KCNAB1: variants seen among roughly 807,000 people sequenced by gnomAD.
KCNAB1 encodes the protein potassium voltage-gated channel subfamily A regulatory beta subunit 1.
Under a neutral mutation model 64.6 loss-of-function variants are expected in KCNAB1, and 35 were observed. The ratio of observed to expected loss-of-function variants is 0.54; its 90% CI spans 0.41 to 0.72. The LOEUF (loss-of-function observed/expected upper bound fraction) is 0.72, where lower values mean the gene tolerates loss of function less well. KCNAB1 is among the 30% of genes least tolerant of loss of function. The pLI, the probability that KCNAB1 is intolerant of heterozygous loss-of-function variation, is 0.00. For missense variants in KCNAB1, 401 were observed against 512.9 expected (o/e 0.78, Z 2.11); for synonymous variants, 177 against 183.8 (o/e 0.96, Z 0.30).
chr3:156,190,753 G>A (rs1713515386), intron 1 of KCNAB1, among the ~76,000 whole-genome samples: 1 of 152,170 alleles, frequency 6.6e-6, no homozygotes, highest in African/African-American at 2.4e-5. Context: ...GAGTGCAGTG[G>A]TGTGATGTTG....
intron 1 of KCNAB1, among the ~76,000 whole-genome samples, chr3:156,174,836 GA>G (rs946498400): frequency 1.3e-5 from 2 of 152,230 alleles, no homozygotes; most frequent in African/African-American, 4.8e-5. Flanking sequence ...GGCTGCCAAT[GA>G]GGGTGCATCT....
At chr3:156,464,348 A>G (rs1340570250) in intron 6 of KCNAB1, among the ~76,000 whole-genome samples, 4 of 152,206 alleles carry the variant, frequency 2.6e-5, no homozygotes, top group African/African-American at 7.2e-5. Context: ...TGGCATTTGA[A>G]CTGGTACTTA....
At chr3:156,398,033 A>T (rs1464887040) in intron 1 of KCNAB1, among the ~76,000 whole-genome samples, 1 of 152,238 alleles carries the variant, frequency 6.6e-6, no homozygotes, top group Non-Finnish European at 1.5e-5. Flanking sequence ...AAATATATAC[A>T]TGTACCACTA....
intron 10 of KCNAB1, 21 bp from the exon 11 acceptor site, chr3:156,516,249 T>G: frequency 7.5e-6 from 12 of 1,592,202 alleles, no homozygotes; most frequent in Non-Finnish European, 1.0e-5. Flanking sequence ...CAAGCAACTT[T>G]CTAAGTTTTT....
chr3:156,303,655 C>T (rs899770868), intron 1 of KCNAB1, among the ~76,000 whole-genome samples: 1 of 152,126 alleles, frequency 6.6e-6, no homozygotes, highest in Non-Finnish European at 1.5e-5. Context: ...CTAGGTAACT[C>T]CCCATGCACT....
At position 156,381,328 on chromosome 3, in the gene KCNAB1, G is replaced by A. The variant is rs951291651; in HGVS notation, c.276-40288G>A. On this transcript the variant is annotated intron_variant, in intron 1 of 13. Transcript: ENST00000490337. ...AGGGAACAGCATGAGATCCTCCAAAGTGTGTAGCAGTTTTAGAGAAGAGTC... is the reference window on the plus strand; with the variant it reads ...AGGGAACAGCATGAGATCCTCCAAAATGTGTAGCAGTTTTAGAGAAGAGTC... Among the ~76,000 whole-genome samples, 34 of 152,218 alleles carry A rather than the reference G, an allele frequency of 2.2e-4. 1 individual carries two copies. Among genetic ancestry groups the A allele is most frequent in the African/African-American group, 7.5e-4 (31 of 41,466 alleles).
intron 8 of KCNAB1, among the ~76,000 whole-genome samples, chr3:156,505,268 T>C (rs2108375169): frequency 6.6e-6 from 1 of 152,338 alleles, no homozygotes; most frequent in African/African-American, 2.4e-5. Flanking sequence ...ATGTGTCTGT[T>C]TTTATGCCAG....
intron 1 of KCNAB1, among the ~76,000 whole-genome samples, chr3:156,363,063 G>A (rs994430479): frequency 7.9e-5 from 12 of 152,216 alleles, no homozygotes; most frequent in Admixed American, 5.9e-4. Flanking sequence ...CAGTGTGAAT[G>A]CCTGGGTGCC....
At chr3:156,176,802 T>G in intron 1 of KCNAB1, 1 of 877,696 alleles carries the variant, frequency 1.1e-6, no homozygotes, top group Non-Finnish European at 1.9e-6. Context: ...CGCCTGCTGC[T>G]GCCCGGCTCC....
intron 1 of KCNAB1, among the ~76,000 whole-genome samples, chr3:156,391,830 AG>A (rs1713064559): frequency 6.6e-6 from 1 of 152,300 alleles, no homozygotes; most frequent in African/African-American, 2.4e-5. Flanking sequence ...GGCACAGAGG[AG>A]GGGCAGAGTG....
At chr3:156,443,074 G>A (rs1379394067) in intron 2 of KCNAB1, among the ~76,000 whole-genome samples, 3 of 152,170 alleles carry the variant, frequency 2.0e-5, no homozygotes, top group African/African-American at 7.2e-5. Context: ...CGGGATACAT[G>A]TGCAAGATGT....
At chr3:156,293,559 A>G (rs1372361555) in intron 1 of KCNAB1, among the ~76,000 whole-genome samples, 1 of 152,204 alleles carries the variant, frequency 6.6e-6, no homozygotes, top group Non-Finnish European at 1.5e-5. Context: ...ATTTTGATAT[A>G]TGTTTGAGCC....
At chr3:156,306,359 A>G (rs1210252292) in intron 1 of KCNAB1, among the ~76,000 whole-genome samples, 1 of 152,142 alleles carries the variant, frequency 6.6e-6, no homozygotes, top group Non-Finnish European at 1.5e-5. Flanking sequence ...ATTCACCAGG[A>G]CCTGCAAAGA....
chr3:156,259,309 A>G (rs1021600512), intron 1 of KCNAB1, among the ~76,000 whole-genome samples: 5 of 152,168 alleles, frequency 3.3e-5, no homozygotes, highest in Non-Finnish European at 5.9e-5. Context: ...ATTCCTTTCA[A>G]CTCAGAAGAG....
rs376183217 is a variant in KCNAB1, at chr3:156,513,211, C to CA, written c.659-1143dup. ...TGGGCCAAAGGGCAAGACTCCATCT[C>CA]AAAAAAAAAACAACAACAACAAAAA... On this transcript the variant is annotated intron_variant, in intron 8 of 13. Transcript: ENST00000490337. 3.6e-3 allele frequency among the ~76,000 whole-genome samples: 514 copies of CA among 144,742 alleles called. 3 individuals are homozygous for CA. Among genetic ancestry groups the CA allele is most frequent in the African/African-American group, 0.012 (471 of 39,332 alleles). The allele number at this position is 144,742 out of a possible 152,430, so 95.0% of individuals were successfully genotyped here.
At chr3:156,411,856 ATC>A (rs1427770827) in intron 1 of KCNAB1, among the ~76,000 whole-genome samples, 2 of 152,168 alleles carry the variant, frequency 1.3e-5, no homozygotes, top group Non-Finnish European at 2.9e-5. Flanking sequence ...TGTTTTGAAT[ATC>A]TGAGTTCTTT....
intron 4 of KCNAB1, among the ~76,000 whole-genome samples, chr3:156,458,435 G>C (rs944822574): frequency 1.3e-5 from 2 of 152,256 alleles, no homozygotes; most frequent in Non-Finnish European, 2.9e-5. Context: ...TAACTGAACT[G>C]TGAGGTATAA....
intron 8 of KCNAB1, among the ~76,000 whole-genome samples, chr3:156,502,498 G>GA (rs560355760): frequency 0.017 from 2,236 of 133,392 alleles, 23 homozygotes; most frequent in Non-Finnish European, 0.024. Flanking sequence ...TCTATAATAT[G>GA]AAAAAAAAAT....
rs111752794 is a variant in KCNAB1 at position 156,356,182 on chromosome 3, AAAAG to A, written c.276-65415_276-65412del. On this transcript the variant is annotated intron_variant, in intron 1 of 13. Coordinates refer to ENST00000490337, the MANE Select transcript of KCNAB1 (RefSeq NM_172160.3). ...AGAGAAAGCAAGCAAGAAAAAAAGA[AAAAG>A]AAAGAAAGAAAGAAAGAAGAGAAAT... Among the ~76,000 whole-genome samples the A allele has an allele frequency of 7.0e-3, 1,050 of 150,814 alleles. 29 individuals are homozygous for A. The highest frequency in any genetic ancestry group is 0.052 in the Admixed American group (794 of 15,198).
Sources: allele counts gnomAD v4.1 joint callset (sites outside exome capture counted in the v4.1 genomes callset), GRCh38; gene constraint gnomAD v4.1.1; transcripts MANE v1.5; gene names NCBI Gene and HGNC (gene_info 2026-07-23, HGNC 2026-07-21).